SLC33A1: variants seen among roughly 807,000 people sequenced by gnomAD.
The protein encoded by SLC33A1 is solute carrier family 33 member 1, also known as acetyl-coenzyme A transporter 1.
SLC33A1 carries 20 observed loss-of-function variants against 50.0 expected under a neutral mutation model. That is an observed-to-expected ratio of 0.40 (90% CI 0.28 to 0.58). The LOEUF is 0.58. Ranked by LOEUF, SLC33A1 falls within the 20% of genes least tolerant of loss-of-function variation. The pLI, the probability that SLC33A1 is intolerant of heterozygous loss-of-function variation, is 0.44. For synonymous variants in SLC33A1, 265 were observed against 251.8 expected (o/e 1.05, Z -0.50); for missense variants, 476 against 657.0 (o/e 0.72, Z 3.01).
chr3:155,841,519 C>G (rs968336032), intron 2 of SLC33A1, among the ~76,000 whole-genome samples: 4 of 152,044 alleles, frequency 2.6e-5, no homozygotes, highest in African/African-American at 9.7e-5. Flanking sequence ...AATATTAACT[C>G]CAACACTAGC....
chr3:155,842,626 A>C lies in SLC33A1; in HGVS notation c.776-7T>G, dbSNP rs1752978202. The stretch of plus-strand genomic sequence containing the variant: ...CCCCAGAAAAAAAGGAAATCTGAAA[A>C]TGTTTTAAATCTATAATTAATTTTT... On this transcript the variant is annotated splice_polypyrimidine_tract_variant and splice_region_variant and intron_variant, in intron 1 of 5. Coordinates refer to ENST00000643144, the MANE Select transcript of SLC33A1 (RefSeq NM_004733.4). 7.0e-7 allele frequency: 1 copy of C among 1,420,490 alleles called. No homozygotes were observed. Among genetic ancestry groups the C allele is most frequent in the South Asian group, 1.3e-5 (1 of 76,846 alleles). The allele number at this position is 1,420,490 out of a possible 1,614,324, so 88.0% of individuals were successfully genotyped here.
Position 155,828,302 on chromosome 3 carries a change from T to C in SLC33A1, c.1558A>G (p.Ile520Val), listed in dbSNP as rs748834107. The change falls in exon 6 of 6, where the codon ATT (isoleucine) becomes GTT (valine). Residue 520 changes from isoleucine (I) to valine (V), a missense_variant. Ile to Val is a conservative substitution (Grantham distance 29, BLOSUM62 3). Transcript: ENST00000643144. ...AGAAAGAACCACCAACCAAATCCAA[T>C]GAAAACACAAATAATGGACTCCACA... ...YYVESIICVF[I>V]GFGWWFFLGP... 4.4e-6 allele frequency: 7 copies of C among 1,606,852 alleles called. No homozygotes were observed. Among genetic ancestry groups the C allele is most frequent in the Non-Finnish European group, 6.0e-6 (7 of 1,173,546 alleles).
At chr3:155,842,708 A>T in intron 1 of SLC33A1, 89 bp from the exon 2 acceptor site, 1 of 788,768 alleles carries the variant, frequency 1.3e-6, no homozygotes, top group African/African-American at 1.8e-5. Context: ...CTTTCAATTA[A>T]AATGTTATTT....
Position 155,821,895 on chromosome 3 carries a change from C to T in SLC33A1, c.*6315G>A, listed in dbSNP as rs550233974. On this transcript the variant is annotated 3_prime_UTR_variant, in exon 6 of 6. Coordinates refer to ENST00000643144, the MANE Select transcript of SLC33A1 (RefSeq NM_004733.4). ...TCAACCGATTCTCCTGCCTCAGCCTCCCAAGTAGCTGGGATTACAGGTGCC... is the reference window on the plus strand; with the variant it reads ...TCAACCGATTCTCCTGCCTCAGCCTTCCAAGTAGCTGGGATTACAGGTGCC... 9 of 152,160 alleles carry T rather than the reference C, an allele frequency of 5.9e-5. No homozygotes were observed. The highest frequency in any genetic ancestry group is 4.2e-4 in the South Asian group (2 of 4,804). The allele number at this position is 152,160 out of a possible 1,614,324, so 9.4% of individuals were successfully genotyped here.
intron 1 of SLC33A1, among the ~76,000 whole-genome samples, chr3:155,844,445 ATATATATATATATTTTTTTTTTTTTTTT>A (rs1753060934): frequency 2.4e-4 from 3 of 12,388 alleles, no homozygotes; most frequent in African/African-American, 6.1e-4. Context: ...ATATATATAT[ATATATATATATATTTTTTTTTTTTTTTT>A]TTTTTTTTTT....
intron 1 of SLC33A1, among the ~76,000 whole-genome samples, chr3:155,852,929 C>CT (rs1246386313): frequency 6.6e-6 from 1 of 152,282 alleles, no homozygotes; most frequent in South Asian, 2.1e-4. Flanking sequence ...ATGAGCCACA[C>CT]TTTTTAAAAG....
intron 2 of SLC33A1, among the ~76,000 whole-genome samples, chr3:155,840,000 A>G (rs1183029239): frequency 6.6e-6 from 1 of 152,140 alleles, no homozygotes; most frequent in Non-Finnish European, 1.5e-5. Flanking sequence ...ATACGTATAC[A>G]CACATACATG....
intron 1 of SLC33A1, among the ~76,000 whole-genome samples, chr3:155,845,676 A>T (rs1753140157): frequency 6.6e-6 from 1 of 152,232 alleles, no homozygotes; most frequent in Non-Finnish European, 1.5e-5. Context: ...GAACACAATT[A>T]TCACAAATCA....
At chr3:155,848,855 C>T (rs558967931) in intron 1 of SLC33A1, among the ~76,000 whole-genome samples, 1 of 152,278 alleles carries the variant, frequency 6.6e-6, no homozygotes, top group Non-Finnish European at 1.5e-5. Flanking sequence ...TATATTCCAT[C>T]TCCATTTATC....
Position 155,842,601 on chromosome 3 carries a change from C to A in SLC33A1, c.794G>T (p.Gly265Val). ...VTLSDFLFFW[G>V]TVFLITTTLV... ...TGTTGTTGTTATTAAAAATACAGTT[C>A]CCCAGAAAAAAAGGAAATCTGAAAA... Residue 265 changes from glycine to valine, a missense_variant, in exon 2 of 6, where the codon GGA becomes GTA. Transcript: ENST00000643144. 1 of 1,556,008 alleles carries A rather than the reference C, an allele frequency of 6.4e-7. No homozygotes were observed. Among genetic ancestry groups the A allele is most frequent in the South Asian group, 1.2e-5 (1 of 80,606 alleles).
At chr3:155,847,785 A>C (rs1459650216) in intron 1 of SLC33A1, among the ~76,000 whole-genome samples, 1 of 151,974 alleles carries the variant, frequency 6.6e-6, no homozygotes, top group Non-Finnish European at 1.5e-5. Flanking sequence ...TAAATAAATA[A>C]AGCATCAATG....
At position 155,837,145 on chromosome 3, in the gene SLC33A1, G is replaced by C. The variant is rs574862264; in HGVS notation, c.964-3104C>G. Among the ~76,000 whole-genome samples, 5 of 152,144 alleles carry C rather than the reference G, an allele frequency of 3.3e-5. No homozygotes were observed. The South Asian group carries it at 8.3e-4, about 25-fold the overall frequency. On this transcript the variant is annotated intron_variant, in intron 2 of 5. Transcript: ENST00000643144. ...GGAGGCCAAGGTGGGTGGATCACAA[G>C]GTCAGGAGATCGAGACCATCCTGGC... is the stretch of plus-strand genomic sequence containing the variant.
At position 155,829,723 on chromosome 3, in the gene SLC33A1, A is replaced by G; in HGVS notation, c.1447T>C (p.Ser483Pro). 1 of 1,614,154 alleles carries G rather than the reference A, an allele frequency of 6.2e-7. No homozygotes were observed. Among genetic ancestry groups the G allele is most frequent in the Non-Finnish European group, 8.5e-7 (1 of 1,180,004 alleles). Reference sequence around the variant, plus strand: ...TCAGGTGTTCGACAATTCTGGTTTGATGCTCCTACACACTCTTTTACTGTG... The same window carrying G: ...TCAGGTGTTCGACAATTCTGGTTTGGTGCTCCTACACACTCTTTTACTGTG... ...PLTVKECVGA[S>P]NQNCRTPDAV... Residue 483 changes from serine (S) to proline (P), a missense_variant, in exon 5 of 6, where the codon TCA becomes CCA. Ser to Pro is a moderately conservative substitution (Grantham distance 74). Transcript: ENST00000643144.
intron 1 of SLC33A1, among the ~76,000 whole-genome samples, chr3:155,843,519 C>T (rs1335181663): frequency 1.3e-5 from 2 of 152,172 alleles, no homozygotes; most frequent in African/African-American, 2.4e-5. Context: ...CATTAGCTAT[C>T]ACCTTGAACA....
chr3:155,840,422 C>A (rs531285707), intron 2 of SLC33A1, among the ~76,000 whole-genome samples: 39 of 151,326 alleles, frequency 2.6e-4, no homozygotes, highest in African/African-American at 9.4e-4. Context: ...ATTATTAAAT[C>A]ATATAATTAG....
chr3:155,853,484 T>C lies in SLC33A1; in HGVS notation c.514A>G (p.Arg172Gly). ...VDRLLGNTDDRTPDVIALTVA... is the reference protein window; with the variant it reads ...VDRLLGNTDDGTPDVIALTVA... Reference sequence around the variant, plus strand: ...GTGAGAGCAATCACGTCGGGTGTTCTGTCATCGGTATTCCCAAGCAAACGG... The same window carrying C: ...GTGAGAGCAATCACGTCGGGTGTTCCGTCATCGGTATTCCCAAGCAAACGG... The change falls in exon 1 of 6, where the codon AGA (arginine) becomes GGA (glycine). Residue 172 changes from arginine (R) to glycine (G), a missense_variant. Arg to Gly is a moderately radical substitution (Grantham distance 125). Transcript: ENST00000643144. 1 of 1,614,112 alleles carries C rather than the reference T, an allele frequency of 6.2e-7. No individual in the cohort carries two copies.
At position 155,825,699 on chromosome 3, in the gene SLC33A1, T is replaced by C. The variant is rs1013960046; in HGVS notation, c.*2511A>G. 1.3e-5 allele frequency: 2 copies of C among 152,044 alleles called. No homozygotes were observed. Among genetic ancestry groups the C allele is most frequent in the Non-Finnish European group, 2.9e-5 (2 of 68,014 alleles). 9.4% of individuals were successfully genotyped at this position (152,044 alleles called of 1,614,324 possible). A position where few individuals can be genotyped will look rare whatever the true frequency, so the allele number is the denominator to read the frequency against. On this transcript the variant is annotated 3_prime_UTR_variant, in exon 6 of 6. Transcript: ENST00000643144. ...GGAGATACTGACATAGAGAGAAAAA[T>C]GTTCAATCTAATATTAGCCAGTAAA...
In SLC33A1 at chr3:155,842,577, G is replaced by A. The variant is rs1560018875; in HGVS notation, c.818C>T (p.Thr273Ile). The change falls in exon 2 of 6, where the codon ACA becomes ATA. Residue 273 changes from threonine (T) to isoleucine (I), a missense_variant. Thr to Ile is a moderately conservative substitution (Grantham distance 89). Coordinates refer to ENST00000643144, the MANE Select transcript of SLC33A1 (RefSeq NM_004733.4). The part of the protein sequence containing the change: ...FWGTVFLITT[T>I]LVALLKKENE... ...TTCTTTTTTCAGAAGGGCAACCAAT[G>A]TTGTTGTTATTAAAAATACAGTTCC... 6.3e-7 allele frequency: 1 copy of A among 1,590,046 alleles called. No homozygotes were observed. The highest frequency in any genetic ancestry group is 8.6e-7 in the Non-Finnish European group (1 of 1,166,952).
chr3:155,828,175 C>T lies in SLC33A1; in HGVS notation c.*35G>A. On this transcript the variant is annotated 3_prime_UTR_variant, in exon 6 of 6. Transcript: ENST00000643144. The stretch of plus-strand genomic sequence containing the variant: ...TGCTCTCCGAATTAAAACTAAACTA[C>T]AATTACCTTGCTAGAATGTCCAGTA... 6.7e-7 allele frequency: 1 copy of T among 1,491,228 alleles called. No individual in the cohort carries two copies. 92.4% of individuals were successfully genotyped at this position (1,491,228 alleles called of 1,614,324 possible). A position where few individuals can be genotyped will look rare whatever the true frequency, so the allele number is the denominator to read the frequency against.
Sources: gnomAD v4.1 joint callset for allele counts (sites outside exome capture counted in the v4.1 genomes callset) on GRCh38, gnomAD v4.1.1 for gene constraint, MANE v1.5 for transcripts, NCBI Gene and HGNC (gene_info 2026-07-23, HGNC 2026-07-21) for gene names.